Variants in RASA2 observed in about 807,000 individuals in gnomAD.
RASA2 encodes the protein RAS p21 protein activator 2.
A neutral mutation model predicts 118.2 loss-of-function variants in RASA2; 155 were observed. The observed-to-expected ratio is 1.31, with a 90% CI of 1.15 to 1.50. The LOEUF is 1.50. RASA2 is among the 40% of genes most tolerant of loss of function. The probability of loss-of-function intolerance (pLI) is 0.00; values close to 1 mark genes in which losing one functional copy is unlikely to be tolerated. For synonymous variants in RASA2, 353 were observed against 349.1 expected (o/e 1.01, Z -0.12); for missense variants, 1,016 against 1,009.6 (o/e 1.01, Z -0.09).
At chr3:141,604,221 TTAC>T (rs1278057382) in intron 19 of RASA2, among the ~76,000 whole-genome samples, 2 of 152,202 alleles carry the variant, frequency 1.3e-5, no homozygotes, top group Non-Finnish European at 2.9e-5. Flanking sequence ...GTGATTACCA[TTAC>T]TACTACTTTG....
intron 9 of RASA2, among the ~76,000 whole-genome samples, chr3:141,570,283 G>A (rs1480947201): frequency 4.6e-5 from 7 of 151,620 alleles, no homozygotes; most frequent in Non-Finnish European, 7.4e-5. Context: ...GTACAGTGGC[G>A]GGATCTCAGC....
chr3:141,586,731 C>G lies in RASA2; in HGVS notation c.1912C>G (p.Leu638Val). 2 of 1,612,712 alleles carry G rather than the reference C, an allele frequency of 1.2e-6. No homozygotes were observed. The highest frequency in any genetic ancestry group is 1.7e-6 in the Non-Finnish European group (2 of 1,178,910). Reference sequence around the variant, plus strand: ...ATGGTTCTGCTTAACAAGCAGAGAGCTCACCTACCACAAACAGCCAGGTAG... The same window carrying G: ...ATGGTTCTGCTTAACAAGCAGAGAGGTCACCTACCACAAACAGCCAGGTAG... ...KRWFCLTSRE[L>V]TYHKQPGKDA... Residue 638 changes from leucine (L) to valine (V), a missense_variant, in exon 19 of 24, where the codon CTC becomes GTC. Around this residue, in one of 2 missense-constraint regions of RASA2, gnomAD observed 896 missense variants for 836.4 expected, o/e 1.07. Transcript: ENST00000286364.
intron 19 of RASA2, among the ~76,000 whole-genome samples, chr3:141,588,458 A>G (rs1363009863): frequency 2.0e-5 from 3 of 152,220 alleles, no homozygotes; most frequent in Non-Finnish European, 4.4e-5. Flanking sequence ...AGCAACATTC[A>G]GTATGTTTTA....
chr3:141,494,216 G>A (rs1237913372), intron 1 of RASA2, among the ~76,000 whole-genome samples: 2 of 152,196 alleles, frequency 1.3e-5, no homozygotes, highest in African/African-American at 2.4e-5. Context: ...ATGAATTGAA[G>A]GATATGTGCA....
chr3:141,593,588 G>A (rs1236816343), intron 19 of RASA2, among the ~76,000 whole-genome samples: 2 of 152,192 alleles, frequency 1.3e-5, no homozygotes, highest in African/African-American at 4.8e-5. Context: ...GACCTCCAAA[G>A]GGGCTAGTGA....
intron 14 of RASA2, among the ~76,000 whole-genome samples, chr3:141,574,314 C>A (rs576248047): frequency 2.6e-5 from 4 of 152,002 alleles, no homozygotes; most frequent in African/African-American, 9.6e-5. Context: ...CTCAGCCTCC[C>A]GAGTAGCTGG....
intron 23 of RASA2, 93 bp from the exon 24 acceptor site, chr3:141,612,190 G>A: frequency 1.0e-6 from 1 of 980,418 alleles, no homozygotes; most frequent in Non-Finnish European, 1.5e-6. Flanking sequence ...ATTATCCAGG[G>A]AAAATTCTAA....
In RASA2 at chr3:141,558,916, T is replaced by G; in HGVS notation, c.715T>G (p.Ser239Ala). 1 of 1,607,910 alleles carries G rather than the reference T, an allele frequency of 6.2e-7. No homozygotes were observed. The highest frequency in any genetic ancestry group is 8.5e-7 in the Non-Finnish European group (1 of 1,175,060). The change falls in exon 8 of 24, where the codon TCC becomes GCC. Residue 239 changes from serine to alanine, a missense_variant. This residue lies in a region of RASA2 where 896 missense variants were observed against 836.4 expected (regional missense o/e 1.07). Transcript: ENST00000286364. ...VTRSSSYTRK[S>A]QFQVEEEDIE... ...CAGATCCAGTAGTTACACCAGAAAG[T>G]CCCAGTTCCAGGTAGAAGAGGAGGA... is the stretch of plus-strand genomic sequence containing the variant.
chr3:141,521,730 A>G (rs1002063135), intron 3 of RASA2, among the ~76,000 whole-genome samples: 2 of 152,214 alleles, frequency 1.3e-5, no homozygotes, highest in African/African-American at 4.8e-5. Flanking sequence ...TTTCTAAGGG[A>G]TAAAATTTAT....
At chr3:141,528,961 T>G (rs1388730825) in intron 3 of RASA2, among the ~76,000 whole-genome samples, 1 of 152,024 alleles carries the variant, frequency 6.6e-6, no homozygotes, top group Admixed American at 6.6e-5. Context: ...TGCAAAACTG[T>G]GTCTACTTCT....
chr3:141,595,906 A>C (rs2083358536), intron 19 of RASA2, among the ~76,000 whole-genome samples: 1 of 152,206 alleles, frequency 6.6e-6, no homozygotes, highest in South Asian at 2.1e-4. Context: ...GGTATGAGCC[A>C]CTGCACCTGG....
intron 20 of RASA2, 48 bp from the exon 21 acceptor site, chr3:141,608,441 G>A (rs1217728592): frequency 6.4e-7 from 1 of 1,559,394 alleles, no homozygotes; most frequent in Non-Finnish European, 8.8e-7. Flanking sequence ...ACTGTGTGTT[G>A]GTTTTTGGAC....
chr3:141,608,929 TA>T (rs1399713442), intron 21 of RASA2, among the ~76,000 whole-genome samples: 5 of 152,192 alleles, frequency 3.3e-5, no homozygotes, highest in Non-Finnish European at 7.3e-5. Flanking sequence ...CAAAGTAGAT[TA>T]GTGGTTACAA....
In RASA2 at chr3:141,563,886, T is replaced by C. The variant is rs181142796; in HGVS notation, c.863+3891T>C. 6.6e-4 allele frequency among the ~76,000 whole-genome samples: 101 copies of C among 152,104 alleles called. 2 individuals carry two copies. The highest frequency in any genetic ancestry group is 4.8e-3 in the Admixed American group (73 of 15,262). On this transcript the variant is annotated intron_variant, in intron 9 of 23. Transcript: ENST00000286364. ...AGTGTCCCTTGCTTATAAAATATTA[T>C]ATAAAAGAGAATCAGAGAGTTCCCT...
intron 1 of RASA2, among the ~76,000 whole-genome samples, chr3:141,492,113 T>C (rs1360256708): frequency 6.6e-6 from 1 of 152,238 alleles, no homozygotes; most frequent in Non-Finnish European, 1.5e-5. Flanking sequence ...AATCATTTGC[T>C]CTGTGGAAGA....
chr3:141,487,223 G>A lies in RASA2; in HGVS notation c.133+7G>A. ...AGCCTGCGGGGCAAGATCTGTAAGC[G>A]GGGGCTGGGCTGAGGGGACGCCCTG... On this transcript the variant is annotated splice_region_variant and intron_variant, in intron 1 of 23. Transcript: ENST00000286364. 7.1e-7 allele frequency: 1 copy of A among 1,407,906 alleles called. No homozygotes were observed. Among genetic ancestry groups the A allele is most frequent in the Non-Finnish European group, 9.4e-7 (1 of 1,067,908 alleles). The allele number at this position is 1,407,906 out of a possible 1,614,324, so 87.2% of individuals were successfully genotyped here. A position where few individuals can be genotyped will look rare whatever the true frequency, so the allele number is the denominator to read the frequency against.
chr3:141,591,970 A>G (rs1024433643), intron 19 of RASA2, among the ~76,000 whole-genome samples: 2 of 152,112 alleles, frequency 1.3e-5, no homozygotes, highest in African/African-American at 4.8e-5. Flanking sequence ...AGTGCCTACT[A>G]TGTACCAGAC....
chr3:141,610,480 T>A (rs567953987), intron 23 of RASA2, among the ~76,000 whole-genome samples: 3 of 127,774 alleles, frequency 2.3e-5, no homozygotes, highest in East Asian at 4.1e-4. Flanking sequence ...TATATATAAA[T>A]ATATATATAT....
intron 1 of RASA2, among the ~76,000 whole-genome samples, chr3:141,496,623 T>C (rs2081706547): frequency 6.6e-6 from 1 of 152,198 alleles, no homozygotes; most frequent in South Asian, 2.1e-4. Flanking sequence ...AGATACTATC[T>C]CACACCAGTT....
Sources: allele counts gnomAD v4.1 joint callset (sites outside exome capture counted in the v4.1 genomes callset), GRCh38; gene constraint gnomAD v4.1.1; regional missense constraint gnomAD v4.1.1; transcripts MANE v1.5; gene names NCBI Gene and HGNC (gene_info 2026-07-23, HGNC 2026-07-21).